CEP128: variants seen among roughly 807,000 people sequenced by gnomAD.
CEP128 encodes centrosomal protein 128kDa.
Under a neutral mutation model 156.7 loss-of-function variants are expected in CEP128, and 132 were observed. That is an observed-to-expected ratio of 0.84 (90% CI 0.73 to 0.97). The LOEUF (loss-of-function observed/expected upper bound fraction) is 0.97. Ranked by LOEUF, CEP128 falls within the 50% of genes least tolerant of loss-of-function variation. CEP128 has a pLI of 0.00. For synonymous variants in CEP128, 469 were observed against 448.9 expected (o/e 1.04, Z -0.57); for missense variants, 1,252 against 1,281.9 (o/e 0.98, Z 0.36).
At chr14:80,493,015 T>G (rs1020241105), downstream of CEP128, among the ~76,000 whole-genome samples, 1 of 152,158 alleles carries the variant, frequency 6.6e-6, no homozygotes, top group Non-Finnish European at 1.5e-5. Context: ...TTATTTCCAA[T>G]TAAGTATACA....
chr14:80,857,344 A>G (rs1887238449), intron 9 of CEP128, among the ~76,000 whole-genome samples: 1 of 151,688 alleles, frequency 6.6e-6, no homozygotes, highest in Admixed American at 6.6e-5. Context: ...ACTATCAAGC[A>G]CCTCATCAAA....
intron 19 of CEP128, among the ~76,000 whole-genome samples, chr14:80,648,801 A>G (rs1166363586): frequency 2.0e-5 from 3 of 152,124 alleles, no homozygotes; most frequent in Admixed American, 1.3e-4. Context: ...TCAGCATAAA[A>G]TGGACACTAT....
chr14:80,815,845 C>G lies in CEP128; in HGVS notation c.1209+15298G>C, dbSNP rs192466196. ...CTCAAAAACAGAAAGTCAAATACTG[C>G]GTGTTCTCATTTATACGTGGAAGGT... On this transcript the variant is annotated intron_variant, in intron 13 of 24. Transcript: ENST00000555265. 3.9e-5 allele frequency among the ~76,000 whole-genome samples: 6 copies of G among 152,240 alleles called. No individual in the cohort carries two copies. The South Asian group carries it at 1.2e-3, about 32-fold the overall frequency.
intron 13 of CEP128, among the ~76,000 whole-genome samples, chr14:80,795,839 T>A (rs1883438075): frequency 6.6e-6 from 1 of 152,212 alleles, no homozygotes; most frequent in African/African-American, 2.4e-5. Context: ...TTTCTTCTCT[T>A]TTCCAGCCTC....
chr14:80,821,753 G>A (rs1427224385), intron 13 of CEP128, among the ~76,000 whole-genome samples: 4 of 151,176 alleles, frequency 2.6e-5, no homozygotes, highest in Non-Finnish European at 5.9e-5. Context: ...ATGGCTCACT[G>A]CAGCCTCGGC....
intron 19 of CEP128, among the ~76,000 whole-genome samples, chr14:80,631,441 C>A (rs994269373): frequency 6.6e-6 from 1 of 151,954 alleles, no homozygotes; most frequent in African/African-American, 2.4e-5. Context: ...AAGAACTTAG[C>A]GAGATAGCAG....
intron 7 of CEP128, among the ~76,000 whole-genome samples, chr14:80,899,388 G>A (rs539007436): frequency 1.3e-5 from 2 of 152,258 alleles, no homozygotes; most frequent in African/African-American, 4.8e-5. Context: ...CCTGCCACTG[G>A]TGATGACAAA....
At chr14:80,698,275 C>T (rs151272983) in intron 19 of CEP128, among the ~76,000 whole-genome samples, 8 of 152,080 alleles carry the variant, frequency 5.3e-5, no homozygotes, top group Admixed American at 3.9e-4. Context: ...AGGAATTAGA[C>T]AGATCCACAT....
At chr14:80,685,518 C>A (rs1011566755) in intron 19 of CEP128, among the ~76,000 whole-genome samples, 1 of 152,092 alleles carries the variant, frequency 6.6e-6, no homozygotes, top group Non-Finnish European at 1.5e-5. Flanking sequence ...GGCCATACTG[C>A]CCAAATCAAT....
At chr14:80,868,126 A>G (rs141482873) in intron 8 of CEP128, among the ~76,000 whole-genome samples, 1 of 152,268 alleles carries the variant, frequency 6.6e-6, no homozygotes, top group African/African-American at 2.4e-5. Flanking sequence ...TTTGCCTTAC[A>G]AGAAATATAA....
chr14:80,544,373 C>T (rs1889892462), intron 21 of CEP128, among the ~76,000 whole-genome samples: 1 of 152,142 alleles, frequency 6.6e-6, no homozygotes, highest in Admixed American at 6.6e-5. Flanking sequence ...CTGGGAACTC[C>T]AAGACCAAGG....
At chr14:80,876,514 G>A (rs765392838) in intron 8 of CEP128, among the ~76,000 whole-genome samples, 6 of 151,540 alleles carry the variant, frequency 4.0e-5, no homozygotes, top group Admixed American at 2.0e-4. Flanking sequence ...AGAGAATCGC[G>A]TGAAACTGGG....
chr14:80,937,335 A>G (rs1397273160), intron 2 of CEP128, among the ~76,000 whole-genome samples: 2 of 152,154 alleles, frequency 1.3e-5, no homozygotes, highest in Non-Finnish European at 2.9e-5. Context: ...AATCTGTAAT[A>G]TACATAGACG....
chr14:80,517,128 C>CT (rs549249917), intron 23 of CEP128, among the ~76,000 whole-genome samples: 85 of 148,158 alleles, frequency 5.7e-4, no homozygotes, highest in African/African-American at 1.8e-3. Flanking sequence ...TGTATCTTCT[C>CT]TTTTTTTTTT....
intron 2 of CEP128, among the ~76,000 whole-genome samples, chr14:80,954,475 T>C (rs1172878581): frequency 6.6e-6 from 1 of 152,202 alleles, no homozygotes; most frequent in Non-Finnish European, 1.5e-5. Flanking sequence ...GTTTAATGAA[T>C]TTTGATAAAT....
At chr14:80,495,537 T>TA (rs1216974113), downstream of CEP128, among the ~76,000 whole-genome samples, 1 of 151,686 alleles carries the variant, frequency 6.6e-6, no homozygotes, top group East Asian at 1.9e-4. Flanking sequence ...CTTTTTTTTT[T>TA]AGATTTAAAA....
intron 13 of CEP128, among the ~76,000 whole-genome samples, chr14:80,820,576 C>T (rs1885111262): frequency 6.6e-6 from 1 of 152,204 alleles, no homozygotes; most frequent in Non-Finnish European, 1.5e-5. Flanking sequence ...GCTTATGAAT[C>T]AGAAAACATT....
intron 21 of CEP128, among the ~76,000 whole-genome samples, chr14:80,547,080 T>TAA (rs560898322): frequency 5.9e-5 from 9 of 152,014 alleles, no homozygotes; most frequent in African/African-American, 2.2e-4. Context: ...TGCAGATGCA[T>TAA]AAAAAAAGGT....
intron 19 of CEP128, among the ~76,000 whole-genome samples, chr14:80,655,187 A>C (rs1411209325): frequency 1.3e-5 from 2 of 152,182 alleles, no homozygotes; most frequent in Non-Finnish European, 2.9e-5. Context: ...GGAATGGAGG[A>C]TACAAGACAT....
Sources: gnomAD v4.1 joint callset for allele counts (sites outside exome capture counted in the v4.1 genomes callset) on GRCh38, gnomAD v4.1.1 for gene constraint, MANE v1.5 for transcripts, NCBI Gene and HGNC (gene_info 2026-07-23, HGNC 2026-07-21) for gene names.